Variants in NPAS3 observed in about 807,000 individuals in gnomAD.
NPAS3 encodes neuronal PAS domain protein 3.
Under a neutral mutation model 73.1 loss-of-function variants are expected in NPAS3, and 14 were observed. That is an observed-to-expected ratio of 0.19 (90% CI 0.13 to 0.30). The LOEUF (loss-of-function observed/expected upper bound fraction) is 0.30, where lower values mean the gene tolerates loss of function less well. Among genes scored for constraint, NPAS3 ranks in the 10% least tolerant of loss-of-function variants. The pLI, the probability that NPAS3 is intolerant of heterozygous loss-of-function variation, is 1.00. For synonymous variants in NPAS3, 620 were observed against 541.5 expected (o/e 1.14, Z -2.01); for missense variants, 1,096 against 1,250.0 (o/e 0.88, Z 1.86).
At chr14:33,054,614 GTT>G (rs10545642) in intron 1 of NPAS3, among the ~76,000 whole-genome samples, 71,520 of 137,326 alleles carry the variant, frequency 0.52, 19,500 homozygotes, top group African/African-American at 0.73. Flanking sequence ...ACTTATCTGA[GTT>G]TTTTTTTTTT....
intron 1 of NPAS3, among the ~76,000 whole-genome samples, chr14:32,943,571 G>T (rs2036120390): frequency 6.6e-6 from 1 of 152,130 alleles, no homozygotes; most frequent in Non-Finnish European, 1.5e-5. Context: ...CCCCTGCTCT[G>T]TGGTGAGGTT....
At chr14:33,796,736 T>C (rs2063523290) in intron 10 of NPAS3, among the ~76,000 whole-genome samples, 1 of 152,220 alleles carries the variant, frequency 6.6e-6, no homozygotes, top group African/African-American at 2.4e-5. Context: ...AAAAGAGCCT[T>C]GTTTCCAAAC....
intron 5 of NPAS3, among the ~76,000 whole-genome samples, chr14:33,666,548 A>G (rs1686013267): frequency 1.3e-5 from 2 of 152,230 alleles, no homozygotes; most frequent in African/African-American, 4.8e-5. Flanking sequence ...CCCATGCTGC[A>G]TTTTAAGGAA....
At chr14:33,599,298 G>T (rs2057333841) in intron 5 of NPAS3, among the ~76,000 whole-genome samples, 1 of 152,290 alleles carries the variant, frequency 6.6e-6, no homozygotes, top group South Asian at 2.1e-4. Context: ...AGATGTAAGA[G>T]TTGTAATTTA....
At chr14:33,715,510 G>T (rs2060932669) in intron 6 of NPAS3, among the ~76,000 whole-genome samples, 1 of 152,058 alleles carries the variant, frequency 6.6e-6, no homozygotes, top group South Asian at 2.1e-4. Context: ...GATAAACCTG[G>T]GAGGTCGCTT....
In NPAS3 at chr14:33,272,291, T is replaced by C. The variant is rs369118411; in HGVS notation, c.385+56865T>C. On this transcript the variant is annotated intron_variant, in intron 3 of 11. Coordinates refer to ENST00000356141, the Ensembl canonical transcript of NPAS3. ...TTCTTGATCACAGTACTCATAATTA[T>C]AGCAGTGGGATATTCATGACCTTTG... 2.5e-4 allele frequency among the ~76,000 whole-genome samples: 38 copies of C among 152,228 alleles called. 1 individual carries two copies. In the East Asian group the frequency reaches 2.9e-3, roughly 12 times the overall value.
intron 4 of NPAS3, among the ~76,000 whole-genome samples, chr14:33,549,714 G>A (rs762345018): frequency 9.2e-5 from 14 of 152,050 alleles, no homozygotes; most frequent in African/African-American, 2.7e-4. Context: ...ATATATCTGC[G>A]TTTACCTTCA....
At chr14:33,536,786 T>C (rs2054278205) in intron 4 of NPAS3, among the ~76,000 whole-genome samples, 1 of 152,210 alleles carries the variant, frequency 6.6e-6, no homozygotes, top group African/African-American at 2.4e-5. Context: ...CAAGTTTTTC[T>C]ATGTTTACCA....
intron 4 of NPAS3, among the ~76,000 whole-genome samples, chr14:33,431,535 G>T (rs1286126838): frequency 6.6e-6 from 1 of 152,138 alleles, no homozygotes; most frequent in Non-Finnish European, 1.5e-5. Flanking sequence ...CTTTATGGCT[G>T]CATGACATAG....
At chr14:33,467,291 C>G (rs1467760027) in intron 4 of NPAS3, among the ~76,000 whole-genome samples, 1 of 152,146 alleles carries the variant, frequency 6.6e-6, no homozygotes, top group African/African-American at 2.4e-5. Context: ...AAGGCTTTTA[C>G]TGTTTATGCT....
intron 5 of NPAS3, among the ~76,000 whole-genome samples, chr14:33,655,288 T>TAAATA (rs1196764087): frequency 6.7e-6 from 1 of 150,340 alleles, no homozygotes; most frequent in African/African-American, 2.4e-5. Context: ...ACAAAAGTAT[T>TAAATA]AAATAAAAAC....
intron 4 of NPAS3, among the ~76,000 whole-genome samples, chr14:33,463,241 A>AATCCTTTCTAAGTAGCC (rs1464378433): frequency 6.6e-6 from 1 of 152,206 alleles, no homozygotes; most frequent in Non-Finnish European, 1.5e-5. Flanking sequence ...AATCTGTAGT[A>AATCCTTTCTAAGTAGCC]ATCCTTTCTA....
At chr14:33,606,401 A>C (rs1247842905) in intron 5 of NPAS3, among the ~76,000 whole-genome samples, 1 of 151,760 alleles carries the variant, frequency 6.6e-6, no homozygotes, top group African/African-American at 2.4e-5. Flanking sequence ...AAGGACATGA[A>C]CTCATCATTT....
At chr14:33,023,729 G>T (rs553427365) in intron 1 of NPAS3, among the ~76,000 whole-genome samples, 1 of 152,178 alleles carries the variant, frequency 6.6e-6, no homozygotes, top group South Asian at 2.1e-4. Flanking sequence ...TAGAGCTTTT[G>T]TCTTGAATAT....
rs554550968 is a variant in NPAS3 at position 33,433,957 on chromosome 14, G to A, written c.468+66689G>A. Among the ~76,000 whole-genome samples, 20 of 152,010 alleles carry A rather than the reference G, an allele frequency of 1.3e-4. No individual in the cohort carries two copies. The East Asian group carries it at 3.1e-3, about 24-fold the overall frequency. On this transcript the variant is annotated intron_variant, in intron 4 of 11. Coordinates refer to ENST00000356141, the Ensembl canonical transcript of NPAS3. Reference sequence around the variant, plus strand: ...TGTAATCCCAACACTTTAGGAGGCCGAGGTGGGCGGATCACCTGAGGTCAG... The same window carrying A: ...TGTAATCCCAACACTTTAGGAGGCCAAGGTGGGCGGATCACCTGAGGTCAG...
At chr14:33,778,634 T>C in intron 9 of NPAS3, 62 bp downstream of exon 9, 1 of 1,085,836 alleles carries the variant, frequency 9.2e-7, no homozygotes, top group Non-Finnish European at 1.4e-6. Flanking sequence ...GAGGCTTGTT[T>C]GGTTTCAGTG....
chr14:33,400,752 T>C (rs1347304605), intron 4 of NPAS3, among the ~76,000 whole-genome samples: 5 of 151,944 alleles, frequency 3.3e-5, no homozygotes, highest in African/African-American at 9.7e-5. Context: ...AGATGAGTGG[T>C]AGTGGGAGTA....
At chr14:33,414,740 G>C (rs2048077416) in intron 4 of NPAS3, among the ~76,000 whole-genome samples, 1 of 152,070 alleles carries the variant, frequency 6.6e-6, no homozygotes, top group Admixed American at 6.6e-5. Flanking sequence ...CATCAAGGGA[G>C]GACAACTTGA....
At chr14:32,963,031 C>T (rs1595100108) in intron 1 of NPAS3, among the ~76,000 whole-genome samples, 1 of 152,028 alleles carries the variant, frequency 6.6e-6, no homozygotes, top group East Asian at 1.9e-4. Flanking sequence ...CATCTCCTTT[C>T]TTTTGGAAAG....
Sources: gnomAD v4.1 joint callset for allele counts (sites outside exome capture counted in the v4.1 genomes callset) on GRCh38, gnomAD v4.1.1 for gene constraint, MANE v1.5 for transcripts, NCBI Gene and HGNC (gene_info 2026-07-23, HGNC 2026-07-21) for gene names.